Variants in SGCZ observed in about 807,000 individuals in gnomAD.
SGCZ encodes the protein zeta-sarcoglycan.
A neutral mutation model predicts 41.3 loss-of-function variants in SGCZ; 40 were observed. The ratio of observed to expected loss-of-function variants is 0.97; its 90% CI spans 0.75 to 1.26. The LOEUF is 1.26. Among genes scored for constraint, SGCZ ranks in the 50% most tolerant of loss-of-function variants. The probability of loss-of-function intolerance (pLI) is 0.00; values close to 1 mark genes in which losing one functional copy is unlikely to be tolerated. For missense variants in SGCZ, 552 were observed against 369.8 expected (o/e 1.49, Z -4.04); for synonymous variants, 206 against 137.5 (o/e 1.50, Z -3.49).
At chr8:14,128,947 G>C (rs145712043) in intron 5 of SGCZ, among the ~76,000 whole-genome samples, 202 of 152,240 alleles carry the variant, frequency 1.3e-3, no homozygotes, top group African/African-American at 4.6e-3. Flanking sequence ...GTGGAGAGGA[G>C]GATGAGGGAT....
At chr8:14,929,579 G>A (rs1340514264) in intron 1 of SGCZ, among the ~76,000 whole-genome samples, 2 of 151,718 alleles carry the variant, frequency 1.3e-5, no homozygotes, top group East Asian at 1.9e-4. Context: ...TATAATTTTG[G>A]TAACTTATTC....
At chr8:15,115,173 C>G (rs1277590872) in intron 1 of SGCZ, among the ~76,000 whole-genome samples, 1 of 152,172 alleles carries the variant, frequency 6.6e-6, no homozygotes, top group Non-Finnish European at 1.5e-5. Flanking sequence ...CCCAGGCACC[C>G]TTCCTCTATC....
intron 5 of SGCZ, among the ~76,000 whole-genome samples, chr8:14,126,237 A>G (rs770918257): frequency 1.3e-5 from 2 of 152,254 alleles, no homozygotes; most frequent in Non-Finnish European, 2.9e-5. Context: ...CCCATTTGAC[A>G]AATGTCTAAC....
At chr8:14,862,701 T>C (rs567752057) in intron 1 of SGCZ, among the ~76,000 whole-genome samples, 1 of 151,362 alleles carries the variant, frequency 6.6e-6, no homozygotes, top group African/African-American at 2.4e-5. Context: ...TGATTATAAT[T>C]AGAAGAAATA....
At chr8:14,339,487 CT>C (rs1189255987) in intron 2 of SGCZ, among the ~76,000 whole-genome samples, 1 of 152,186 alleles carries the variant, frequency 6.6e-6, no homozygotes, top group Non-Finnish European at 1.5e-5. Context: ...CTCTTCCAAG[CT>C]TTCAGTACAA....
At chr8:14,130,669 C>A (rs978583191) in intron 5 of SGCZ, among the ~76,000 whole-genome samples, 1 of 152,070 alleles carries the variant, frequency 6.6e-6, no homozygotes, top group Non-Finnish European at 1.5e-5. Flanking sequence ...GCCACTAAAT[C>A]ATTTATTTTC....
At chr8:14,551,480 T>TAATATATATTATATATAA (rs773471657) in intron 2 of SGCZ, among the ~76,000 whole-genome samples, 2 of 14,106 alleles carry the variant, frequency 1.4e-4, no homozygotes, top group Non-Finnish European at 2.5e-4. Context: ...ATATTATATA[T>TAATATATATTATATATAA]TATATATATT....
At chr8:14,325,119 G>T (rs956933773) in intron 2 of SGCZ, among the ~76,000 whole-genome samples, 1 of 152,104 alleles carries the variant, frequency 6.6e-6, no homozygotes, top group Non-Finnish European at 1.5e-5. Context: ...ACACTATAAA[G>T]GTTCTTACAT....
At chr8:15,073,336 A>C (rs1284884676) in intron 1 of SGCZ, among the ~76,000 whole-genome samples, 1 of 152,152 alleles carries the variant, frequency 6.6e-6, no homozygotes, top group African/African-American at 2.4e-5. Context: ...TTATTTTCCG[A>C]GTTGCTGAGT....
intron 3 of SGCZ, among the ~76,000 whole-genome samples, chr8:14,284,254 T>C (rs1393158171): frequency 6.6e-6 from 1 of 151,998 alleles, no homozygotes; most frequent in African/African-American, 2.4e-5. Context: ...TCGCCAAGGG[T>C]GGTGGTACAC....
At chr8:15,018,517 C>T (rs1417659947) in intron 1 of SGCZ, among the ~76,000 whole-genome samples, 1 of 152,150 alleles carries the variant, frequency 6.6e-6, no homozygotes, top group Non-Finnish European at 1.5e-5. Context: ...ACCAGCCCTA[C>T]GTCTGGTGGA....
chr8:14,207,489 T>C (rs1487539062), intron 4 of SGCZ, among the ~76,000 whole-genome samples: 2 of 152,192 alleles, frequency 1.3e-5, no homozygotes, highest in Non-Finnish European at 2.9e-5. Flanking sequence ...ATGTTTATGG[T>C]TTACATTTTT....
intron 1 of SGCZ, among the ~76,000 whole-genome samples, chr8:14,561,972 C>T (rs376482263): frequency 1.3e-5 from 2 of 152,188 alleles, no homozygotes; most frequent in South Asian, 2.1e-4. Flanking sequence ...AATTTAAAAA[C>T]ACAGCATGTA....
At chr8:14,407,916 C>T (rs1218653672) in intron 2 of SGCZ, among the ~76,000 whole-genome samples, 1 of 152,060 alleles carries the variant, frequency 6.6e-6, no homozygotes. Context: ...TTGAGTCTCA[C>T]GTTTTTGCTT....
At chr8:14,365,820 T>A (rs1487691969) in intron 2 of SGCZ, among the ~76,000 whole-genome samples, 1 of 152,172 alleles carries the variant, frequency 6.6e-6, no homozygotes, top group African/African-American at 2.4e-5. Flanking sequence ...AGGCTGTTAA[T>A]AAAATCATAT....
Position 15,087,931 on chromosome 8 carries a change from G to A in SGCZ, c.39+149654C>T, listed in dbSNP as rs180784816. Among the ~76,000 whole-genome samples, 4 of 151,720 alleles carry A rather than the reference G, an allele frequency of 2.6e-5. No homozygotes were observed. The East Asian group carries it at 5.8e-4, about 22-fold the overall frequency. ...AATTAACGTGAGGCTTTATTTTTCT[G>A]TATAAACATGCATGTAAAATGCTAT... On this transcript the variant is annotated intron_variant, in intron 1 of 7. Transcript: ENST00000382080.
At chr8:14,689,324 T>C (rs1808723708) in intron 1 of SGCZ, among the ~76,000 whole-genome samples, 1 of 152,150 alleles carries the variant, frequency 6.6e-6, no homozygotes, top group Admixed American at 6.5e-5. Context: ...TTTTAATTAA[T>C]GAAATAATTT....
At chr8:14,837,155 C>A (rs563992806) in intron 1 of SGCZ, among the ~76,000 whole-genome samples, 6 of 152,104 alleles carry the variant, frequency 3.9e-5, no homozygotes, top group East Asian at 3.9e-4. Flanking sequence ...AATCATGGAG[C>A]TTTCTCTCCT....
At chr8:14,286,034 T>C (rs1404500065) in intron 3 of SGCZ, among the ~76,000 whole-genome samples, 1 of 152,122 alleles carries the variant, frequency 6.6e-6, no homozygotes, top group Non-Finnish European at 1.5e-5. Flanking sequence ...GAACTATTTA[T>C]TTAGCATTTG....
Sources: gnomAD v4.1 joint callset for allele counts (sites outside exome capture counted in the v4.1 genomes callset) on GRCh38, gnomAD v4.1.1 for gene constraint, MANE v1.5 for transcripts, NCBI Gene and HGNC (gene_info 2026-07-23, HGNC 2026-07-21) for gene names.